MPP7: variants seen among roughly 807,000 people sequenced by gnomAD.
MPP7 encodes the protein MAGUK p55 subfamily member 7.
In MPP7, 60 loss-of-function variants were observed where a neutral mutation model predicts 76.5. The observed-to-expected ratio is 0.78, with a 90% confidence interval of 0.64 to 0.97. The LOEUF (loss-of-function observed/expected upper bound fraction) is 0.97. MPP7 is among the 50% of genes least tolerant of loss of function. The pLI is 0.00. For synonymous variants in MPP7, 237 were observed against 244.5 expected, an observed-to-expected ratio of 0.97 and a Z score of 0.29; for missense variants, 641 against 694.0, an observed-to-expected ratio of 0.92 and a Z score of 0.86.
chr10:28,270,259 C>T (rs1840278350), intron 1 of MPP7, among the ~76,000 whole-genome samples: 1 of 152,184 alleles, frequency 6.6e-6, no homozygotes, highest in Admixed American at 6.5e-5. Context: ...GCTGACTATG[C>T]TTTCATTCAG....
At chr10:28,240,074 C>T (rs368935052) in intron 1 of MPP7, among the ~76,000 whole-genome samples, 28 of 152,166 alleles carry the variant, frequency 1.8e-4, no homozygotes, top group Middle Eastern at 3.4e-3. Context: ...TGGATCACCC[C>T]TGGCTAATAA....
At chr10:28,311,379 C>T (rs1841288672) in intron 2 of MPP7, among the ~76,000 whole-genome samples, 1 of 152,152 alleles carries the variant, frequency 6.6e-6, no homozygotes, top group African/African-American at 2.4e-5. Context: ...ATGAATACCT[C>T]TATACCAATT....
rs184660723 is a variant in MPP7, at chr10:28,184,473, C to T, written c.156+17680G>A. 3.7e-3 allele frequency among the ~76,000 whole-genome samples: 548 copies of T among 149,248 alleles called. 4 individuals are homozygous for T. The highest frequency in any genetic ancestry group is 6.1e-3 in the Non-Finnish European group (409 of 67,490). ...CCTGTAATTCCAGCACTTTGAGAGG[C>T]CGAGGTGGGCAGATCACTTGAGGTC... On this transcript the variant is annotated intron_variant, in intron 3 of 16. Transcript: ENST00000683449.
chr10:28,199,353 C>T (rs1468364729), intron 3 of MPP7, among the ~76,000 whole-genome samples: 3 of 152,084 alleles, frequency 2.0e-5, no homozygotes, highest in African/African-American at 4.8e-5. Flanking sequence ...TCATGCTCAC[C>T]GTTTTTATTA....
intron 2 of MPP7, among the ~76,000 whole-genome samples, chr10:28,210,829 C>T (rs866702976): frequency 2.6e-5 from 4 of 152,124 alleles, no homozygotes; most frequent in Non-Finnish European, 5.9e-5. Context: ...CTCTGTGAGC[C>T]GGTTCATTAA....
intron 3 of MPP7, among the ~76,000 whole-genome samples, chr10:28,172,820 G>A (rs4747617): frequency 0.91 from 138,396 of 152,248 alleles, 62,961 homozygotes; most frequent in South Asian, 0.95. Flanking sequence ...GTCACTACCA[G>A]CTTTAATATT....
intron 1 of MPP7, among the ~76,000 whole-genome samples, chr10:28,298,872 A>G (rs958454654): frequency 6.6e-6 from 1 of 152,204 alleles, no homozygotes; most frequent in African/African-American, 2.4e-5. Flanking sequence ...GCACTTTTAC[A>G]TTAGGGAAGC....
intron 1 of MPP7, among the ~76,000 whole-genome samples, chr10:28,247,400 C>G (rs571550171): frequency 6.6e-6 from 1 of 152,218 alleles, no homozygotes; most frequent in Non-Finnish European, 1.5e-5. Flanking sequence ...AAGGACAGCA[C>G]TAAAAAGTTA....
At chr10:28,195,059 A>G (rs758875774) in intron 3 of MPP7, among the ~76,000 whole-genome samples, 3 of 152,216 alleles carry the variant, frequency 2.0e-5, no homozygotes, top group Non-Finnish European at 2.9e-5. Context: ...AAAGAATCCA[A>G]TGGGAGAAAT....
At chr10:28,237,462 C>G (rs1184691819) in intron 2 of MPP7, among the ~76,000 whole-genome samples, 1 of 150,608 alleles carries the variant, frequency 6.6e-6, no homozygotes, top group Non-Finnish European at 1.5e-5. Flanking sequence ...TAAATCACAG[C>G]GGAAAAAAAA....
At chr10:28,204,628 C>T (rs992799549) in intron 2 of MPP7, among the ~76,000 whole-genome samples, 3 of 152,052 alleles carry the variant, frequency 2.0e-5, no homozygotes, top group Non-Finnish European at 2.9e-5. Context: ...CTGAGGGGTA[C>T]ATGAGATCAT....
chr10:28,259,329 AC>A (rs1839878470), intron 1 of MPP7, among the ~76,000 whole-genome samples: 2 of 152,114 alleles, frequency 1.3e-5, no homozygotes, highest in African/African-American at 4.8e-5. Context: ...CAGTAATCTC[AC>A]CACTTTGGGA....
Position 28,095,585 on chromosome 10 carries a change from G to A in MPP7, c.953-5744C>T, listed in dbSNP as rs192206370. 1.7e-4 allele frequency among the ~76,000 whole-genome samples: 26 copies of A among 152,266 alleles called. No homozygotes were observed. In the East Asian group the frequency reaches 4.1e-3, roughly 24 times the overall value. On this transcript the variant is annotated intron_variant, in intron 11 of 16. Transcript: ENST00000683449. ...AGTAATTCTGTGTCAGAAAAAGGGA[G>A]TTAATCGTTTCTTGCCTTCAGATCT...
intron 3 of MPP7, among the ~76,000 whole-genome samples, chr10:28,172,282 AT>A (rs935140485): frequency 2.6e-5 from 4 of 152,248 alleles, no homozygotes; most frequent in African/African-American, 4.8e-5. Flanking sequence ...GTTAAGTAAA[AT>A]ACGTGATTTA....
intron 3 of MPP7, among the ~76,000 whole-genome samples, chr10:28,177,090 A>G (rs1248612833): frequency 6.6e-6 from 1 of 151,734 alleles, no homozygotes; most frequent in African/African-American, 2.4e-5. Flanking sequence ...AAACTCATCA[A>G]ATATACAAAA....
chr10:28,258,224 G>T (rs1224261099), intron 1 of MPP7, among the ~76,000 whole-genome samples: 2 of 147,314 alleles, frequency 1.4e-5, no homozygotes, highest in African/African-American at 5.0e-5. Context: ...TTCAAGTAGA[G>T]TCAAGGTGAG....
At chr10:28,216,080 A>G (rs539906977) in intron 2 of MPP7, among the ~76,000 whole-genome samples, 7 of 152,136 alleles carry the variant, frequency 4.6e-5, no homozygotes, top group South Asian at 2.1e-4. Context: ...CCCTCCCCCA[A>G]TTGACCTTTG....
intron 2 of MPP7, among the ~76,000 whole-genome samples, chr10:28,226,826 C>G (rs1045234337): frequency 6.6e-6 from 1 of 151,966 alleles, no homozygotes; most frequent in Non-Finnish European, 1.5e-5. Flanking sequence ...CTAAAATGAG[C>G]AATGAAATGA....
intron 2 of MPP7, among the ~76,000 whole-genome samples, chr10:28,235,784 A>G (rs1421007939): frequency 6.6e-6 from 1 of 152,244 alleles, no homozygotes; most frequent in African/African-American, 2.4e-5. Flanking sequence ...ACTACAAAAA[A>G]GTTTTCAACT....
Sources: allele counts gnomAD v4.1 joint callset (sites outside exome capture counted in the v4.1 genomes callset), GRCh38; gene constraint gnomAD v4.1.1; transcripts MANE v1.5; gene names NCBI Gene and HGNC (gene_info 2026-07-23, HGNC 2026-07-21).